The following EML2 variants were observed in gnomAD, a reference collection of about 807,000 sequenced individuals.
The protein encoded by EML2 is echinoderm microtubule-associated protein-like 2.
A neutral mutation model predicts 84.7 loss-of-function variants in EML2; 59 were observed. That is an observed-to-expected ratio of 0.70 (90% CI 0.56 to 0.86). EML2 has a LOEUF of 0.86. EML2 is among the 40% of genes least tolerant of loss of function. The probability of loss-of-function intolerance (pLI) is 0.00; values close to 1 mark genes in which losing one functional copy is unlikely to be tolerated. For synonymous variants in EML2, 352 were observed against 348.9 expected, an observed-to-expected ratio of 1.01 and a Z score of -0.10; for missense variants, 818 against 855.6, an observed-to-expected ratio of 0.96 and a Z score of 0.55.
chr19:45,642,995 A>G (rs1213872554), upstream of EML2, among the ~76,000 whole-genome samples: 1 of 150,986 alleles, frequency 6.6e-6, no homozygotes, highest in Non-Finnish European at 1.5e-5. Context: ...AAAAAAAAAA[A>G]AAAGAAAAAA....
chr19:45,615,283 T>C (rs1026752287), intron 16 of EML2, among the ~76,000 whole-genome samples: 1 of 150,756 alleles, frequency 6.6e-6, no homozygotes, highest in Non-Finnish European at 1.5e-5. Flanking sequence ...GAGGCTGCAG[T>C]GAGCCGACAT....
At position 45,617,580 on chromosome 19, in the gene EML2, G is replaced by C. The variant is rs200570146; in HGVS notation, c.1322+50C>G. On this transcript the variant is annotated intron_variant, in intron 13 of 18. Transcript: ENST00000245925. The stretch of plus-strand genomic sequence containing the variant: ...AGTAGGAAAGAGGGAAGAAGGGCCA[G>C]TTCCCCAGGGAGCAGAGAAGGCCTC... The C allele has an allele frequency of 4.6e-6, 7 of 1,534,200 alleles. No individual in the cohort carries two copies. The East Asian group carries it at 1.6e-4, about 35-fold the overall frequency.
chr19:45,609,413 CT>C lies in EML2; in HGVS notation c.*249del. 2.7e-6 allele frequency: 1 copy of C among 370,900 alleles called. No individual in the cohort carries two copies. Among genetic ancestry groups the C allele is most frequent in the East Asian group, 5.1e-5 (1 of 19,608 alleles). The allele number at this position is 370,900 out of a possible 1,614,324, so 23.0% of individuals were successfully genotyped here. On this transcript the variant is annotated 3_prime_UTR_variant, in exon 19 of 19. Coordinates refer to ENST00000245925, the MANE Select transcript of EML2 (RefSeq NM_012155.4). ...CCCTGACACACCTTAGTGTACGTGT[CT>C]TTATTTCTGGATGATATAAAAGAAA...
intron 3 of EML2, among the ~76,000 whole-genome samples, chr19:45,637,209 A>G (rs1973827476): frequency 6.6e-6 from 1 of 152,212 alleles, no homozygotes; most frequent in South Asian, 2.1e-4. Flanking sequence ...CAAGGCCCAG[A>G]GAGAAGCAGA....
intron 11 of EML2, chr19:45,620,908 G>C (rs1334300402): frequency 2.1e-6 from 1 of 484,228 alleles, no homozygotes; most frequent in Non-Finnish European, 4.0e-6. Context: ...GTGTGGCCAG[G>C]GTGTCTGCAG....
chr19:45,641,839 C>A (rs1974543114), upstream of EML2: 3 of 1,495,342 alleles, frequency 2.0e-6, no homozygotes, highest in Middle Eastern at 3.6e-4. Context: ...CCCTCTGCTG[C>A]TGGAGCTCAG....
chr19:45,621,577 C>G lies in EML2; in HGVS notation c.902G>C (p.Cys301Ser), dbSNP rs200276028. ...CACCAGCGTCCCGTCCCGCAGGGCG[C>G]AGAGCCCAAACACGCCGCCGTCGTG... ...GAHDGGVFGLCALRDGTLVSG... is the reference protein window; with the variant it reads ...GAHDGGVFGLSALRDGTLVSG... The change falls in exon 10 of 19, where the codon TGC becomes TCC. Residue 301 changes from cysteine (C) to serine (S), a missense_variant. Physicochemically the swap from Cys to Ser is moderately radical, Grantham distance 112. Transcript: ENST00000245925. 19 of 1,612,412 alleles carry G rather than the reference C, an allele frequency of 1.2e-5. No homozygotes were observed. In the African/African-American group the frequency reaches 1.3e-4, roughly 11 times the overall value.
chr19:45,641,470 C>T (rs1206014082), upstream of EML2: 2 of 650,948 alleles, frequency 3.1e-6, no homozygotes, highest in Non-Finnish European at 5.2e-6. Context: ...AGACCTTCCA[C>T]TGTTACCGTG....
Position 45,630,048 on chromosome 19 carries a change from T to G in EML2, c.511-2A>C. 2 of 1,609,732 alleles carry G rather than the reference T, an allele frequency of 1.2e-6. No homozygotes were observed. The highest frequency in any genetic ancestry group is 1.7e-6 in the Non-Finnish European group (2 of 1,177,664). ...TGCACACAGCAGGTTGCCTCCATTC[T>G]AAAGAGGAGGAGAGAGGAGGGGGAC... On this transcript the variant is annotated splice_acceptor_variant, in intron 6 of 18. Transcript: ENST00000245925. LOFTEE classifies it high-confidence loss of function.
upstream of EML2, chr19:45,642,443 C>A: frequency 1.4e-6 from 2 of 1,467,958 alleles, no homozygotes; most frequent in Non-Finnish European, 1.8e-6. Flanking sequence ...AAGCGGGGGG[C>A]CAGCCACGCC....
In EML2 at chr19:45,616,794, T is replaced by C; in HGVS notation, c.1382A>G (p.Glu461Gly). The C allele has an allele frequency of 6.2e-7, 1 of 1,613,368 alleles. No homozygotes were observed. Among genetic ancestry groups the C allele is most frequent in the Non-Finnish European group, 8.5e-7 (1 of 1,179,924 alleles). ...GGAGAAGCTGACCACTGAGATCTGTTCATTGCCGTCTGTGTGGATAGCCAC... is the reference window on the plus strand; with the variant it reads ...GGAGAAGCTGACCACTGAGATCTGTCCATTGCCGTCTGTGTGGATAGCCAC... ...DLVAIHTDGN[E>G]QISVVSFSPD... Residue 461 changes from glutamate to glycine, a missense_variant, in exon 14 of 19, where the codon GAA (glutamate) becomes GGA (glycine). Glu to Gly is a moderately conservative substitution (Grantham distance 98). Coordinates refer to ENST00000245925, the MANE Select transcript of EML2 (RefSeq NM_012155.4).
At chr19:45,645,615 C>T (rs1974979945), upstream of EML2, 1 of 595,256 alleles carries the variant, frequency 1.7e-6, no homozygotes, top group Non-Finnish European at 2.8e-6. Flanking sequence ...CTGGTCCCGC[C>T]CACAACCGGA....
intron 2 of EML2, 62 bp downstream of exon 2, chr19:45,638,783 G>A: frequency 1.2e-6 from 2 of 1,605,992 alleles, no homozygotes; most frequent in Non-Finnish European, 1.7e-6. Context: ...CTGACCTCTG[G>A]CTCCAGCCTG....
At chr19:45,622,552 TC>T (rs946422680) in intron 9 of EML2, among the ~76,000 whole-genome samples, 3 of 152,158 alleles carry the variant, frequency 2.0e-5, no homozygotes, top group Non-Finnish European at 2.9e-5. Flanking sequence ...TGTCTCAGCC[TC>T]TGGAGTAGCT....
intron 18 of EML2, among the ~76,000 whole-genome samples, chr19:45,611,857 G>A (rs558896865): frequency 6.6e-6 from 1 of 151,838 alleles, no homozygotes; most frequent in Non-Finnish European, 1.5e-5. Flanking sequence ...ATGCGTTTTC[G>A]TGTGTGTGGG....
upstream of EML2, chr19:45,645,485 GC>G: frequency 2.8e-6 from 4 of 1,406,628 alleles, no homozygotes; most frequent in Non-Finnish European, 3.7e-6. Context: ...CCGGCGCCGG[GC>G]CCGGCGCTGG....
chr19:45,633,255 T>A, intron 4 of EML2, 116 bp from the exon 5 acceptor site: 2 of 1,012,528 alleles, frequency 2.0e-6, no homozygotes, highest in Non-Finnish European at 3.0e-6. Flanking sequence ...AACGTGTATT[T>A]AGTGCATTAA....
At chr19:45,641,350 A>C (rs1974471634), upstream of EML2, 1 of 401,776 alleles carries the variant, frequency 2.5e-6, no homozygotes. Context: ...CTGTACCTTA[A>C]TAACCACGCC....
At chr19:45,641,351 T>C (rs1450972716), upstream of EML2, 1 of 404,294 alleles carries the variant, frequency 2.5e-6, no homozygotes, top group Admixed American at 4.0e-5. Flanking sequence ...TGTACCTTAA[T>C]AACCACGCCC....
Sources: allele counts gnomAD v4.1 joint callset (sites outside exome capture counted in the v4.1 genomes callset), GRCh38; gene constraint gnomAD v4.1.1; transcripts MANE v1.5; gene names NCBI Gene and HGNC (gene_info 2026-07-23, HGNC 2026-07-21).